Variants in SAMMSON observed in about 807,000 individuals in gnomAD.
SAMMSON encodes long intergenic non-protein coding RNA 1212.
intron 4 of SAMMSON, among the ~76,000 whole-genome samples, chr3:70,182,358 G>C (rs981841790): frequency 1.6e-4 from 25 of 152,134 alleles, no homozygotes; most frequent in Non-Finnish European, 3.5e-4. Context: ...AGCCCATATA[G>C]ATTCTGGCTT....
chr3:70,231,176 T>C (rs1559540645), intron 4 of SAMMSON, among the ~76,000 whole-genome samples: 1 of 152,188 alleles, frequency 6.6e-6, no homozygotes, highest in Non-Finnish European at 1.5e-5. Context: ...CAGGCTCCAG[T>C]CAGCAAGTGC....
chr3:70,359,566 A>C (rs1241801111), intron 9 of SAMMSON, among the ~76,000 whole-genome samples: 2 of 152,172 alleles, frequency 1.3e-5, no homozygotes, highest in African/African-American at 4.8e-5. Flanking sequence ...GTTTGTAATA[A>C]AAAATGCCAC....
At chr3:70,430,392 T>C (rs902252457) in intron 2 of SAMMSON, among the ~76,000 whole-genome samples, 4 of 152,108 alleles carry the variant, frequency 2.6e-5, no homozygotes, top group Non-Finnish European at 4.4e-5. Context: ...ATGATAGTTA[T>C]GTAATGAAAA....
intron 4 of SAMMSON, among the ~76,000 whole-genome samples, chr3:70,175,891 G>A (rs1185240595): frequency 6.6e-6 from 1 of 151,988 alleles, no homozygotes; most frequent in Non-Finnish European, 1.5e-5. Flanking sequence ...GACCACTCGT[G>A]GTTGGCTTTA....
chr3:70,109,052 A>C (rs996527238), intron 4 of SAMMSON, among the ~76,000 whole-genome samples: 1 of 152,116 alleles, frequency 6.6e-6, no homozygotes, highest in African/African-American at 2.4e-5. Context: ...ATGCGTGAAC[A>C]AGAGTTTTGC....
At chr3:70,145,477 A>C (rs1298001305) in intron 4 of SAMMSON, among the ~76,000 whole-genome samples, 1 of 152,138 alleles carries the variant, frequency 6.6e-6, no homozygotes, top group East Asian at 1.9e-4. Flanking sequence ...AGCACATTTA[A>C]AATAGTTGAA....
intron 3 of SAMMSON, among the ~76,000 whole-genome samples, chr3:70,049,199 C>T (rs115631262): frequency 3.7e-4 from 56 of 152,164 alleles, no homozygotes; most frequent in African/African-American, 1.3e-3. Flanking sequence ...AGTACATTGT[C>T]GGGACAAGTA....
chr3:70,014,841 T>C (rs1423091401), intron 3 of SAMMSON: 3 of 152,166 alleles, frequency 2.0e-5, no homozygotes, highest in East Asian at 3.9e-4. Flanking sequence ...TAGTTAAAGA[T>C]TCAGAGCTCT....
intron 7 of SAMMSON, among the ~76,000 whole-genome samples, chr3:70,347,005 G>A (rs974003846): frequency 9.2e-5 from 14 of 152,134 alleles, no homozygotes; most frequent in African/African-American, 2.9e-4. Context: ...ATGATATATT[G>A]ATTACAGATC....
At chr3:70,036,385 C>G (rs1311281702) in intron 3 of SAMMSON, among the ~76,000 whole-genome samples, 1 of 152,074 alleles carries the variant, frequency 6.6e-6, no homozygotes, top group Admixed American at 6.6e-5. Flanking sequence ...CAAGCTCTCC[C>G]CCACTGTCTG....
chr3:70,382,604 A>T (rs1703080196), intron 9 of SAMMSON, among the ~76,000 whole-genome samples: 2 of 152,080 alleles, frequency 1.3e-5, no homozygotes, highest in Non-Finnish European at 2.9e-5. Flanking sequence ...CTCTTTCAAA[A>T]TGTTTGTATT....
chr3:70,304,569 T>A (rs141704362), intron 7 of SAMMSON, among the ~76,000 whole-genome samples: 3 of 152,228 alleles, frequency 2.0e-5, no homozygotes, highest in Non-Finnish European at 4.4e-5. Flanking sequence ...ATTCCTTTCT[T>A]TGTATCACCC....
At chr3:70,031,915 TA>T (rs2067067683) in intron 3 of SAMMSON, among the ~76,000 whole-genome samples, 1 of 152,160 alleles carries the variant, frequency 6.6e-6, no homozygotes, top group African/African-American at 2.4e-5. Flanking sequence ...ATGGAACACC[TA>T]AAATTATCAA....
intron 2 of SAMMSON, among the ~76,000 whole-genome samples, chr3:70,421,152 T>C: frequency 6.6e-6 from 1 of 152,122 alleles, no homozygotes. Flanking sequence ...ACTTGCTCAG[T>C]TACAGTTAGT....
intron 2 of SAMMSON, among the ~76,000 whole-genome samples, chr3:70,402,200 T>C (rs1701146227): frequency 6.6e-6 from 1 of 152,208 alleles, no homozygotes; most frequent in Admixed American, 6.5e-5. Flanking sequence ...ATTTCAGTTG[T>C]TATTTAATCC....
At chr3:70,005,404 G>T (rs2066922737) in intron 1 of SAMMSON, among the ~76,000 whole-genome samples, 1 of 152,144 alleles carries the variant, frequency 6.6e-6, no homozygotes, top group Non-Finnish European at 1.5e-5. Flanking sequence ...CTACTTACTT[G>T]TCCCACATTG....
chr3:70,328,876 A>G (rs979289899), intron 7 of SAMMSON, among the ~76,000 whole-genome samples: 15 of 152,200 alleles, frequency 9.9e-5, no homozygotes, highest in African/African-American at 3.6e-4. Flanking sequence ...AAAAATTATC[A>G]AATTACTTAA....
chr3:70,302,601 T>C (rs1177909394), intron 7 of SAMMSON: 1 of 152,196 alleles, frequency 6.6e-6, no homozygotes, highest in Non-Finnish European at 1.5e-5. Context: ...TATCTACAAT[T>C]GTCTTCTTCC....
intron 4 of SAMMSON, among the ~76,000 whole-genome samples, chr3:70,237,979 C>CTTTGTTTTTTTTT (rs1701627930): frequency 2.0e-5 from 1 of 48,932 alleles, no homozygotes; most frequent in Non-Finnish European, 3.2e-5. Context: ...TGAGTGGTAT[C>CTTTGTTTTTTTTT]TTTTTTTTTT....
Sources: allele counts gnomAD v4.1 joint callset (sites outside exome capture counted in the v4.1 genomes callset), GRCh38; gene constraint gnomAD v4.1.1; transcripts MANE v1.5; gene names NCBI Gene and HGNC (gene_info 2026-07-23, HGNC 2026-07-21).